Variants in MTX3 observed in about 807,000 individuals in gnomAD.
MTX3 encodes metaxin-3.
In MTX3, 27 loss-of-function variants were observed where a neutral mutation model predicts 42.5. The ratio of observed to expected loss-of-function variants is 0.64; its 90% CI spans 0.47 to 0.88. MTX3 has a LOEUF of 0.88. Ranked by LOEUF, MTX3 falls within the 40% of genes least tolerant of loss-of-function variation. The pLI, the probability that MTX3 is intolerant of heterozygous loss-of-function variation, is 0.00. For synonymous variants in MTX3, 144 were observed against 132.9 expected (o/e 1.08, Z -0.57); for missense variants, 378 against 367.0 (o/e 1.03, Z -0.25).
At position 79,983,169 on chromosome 5, in the gene MTX3, A is replaced by G. The variant is rs1429511954; in HGVS notation, c.*515T>C. On this transcript the variant is annotated 3_prime_UTR_variant, in exon 9 of 9. Coordinates refer to ENST00000512528, the MANE Select transcript of MTX3 (RefSeq NM_001363818.2). The stretch of plus-strand genomic sequence containing the variant: ...ACATTCCTCCTCACTTTTTAAAGTT[A>G]AATATGGTCTCTTCTACTGAAGCAA... 1 of 154,726 alleles carries G rather than the reference A, an allele frequency of 6.5e-6. No homozygotes were observed. Among genetic ancestry groups the G allele is most frequent in the Non-Finnish European group, 1.4e-5 (1 of 69,662 alleles). The allele number at this position is 154,726 out of a possible 1,614,324, so 9.6% of individuals were successfully genotyped here. A position where few individuals can be genotyped will look rare whatever the true frequency, so the allele number is the denominator to read the frequency against.
In MTX3 at chr5:79,983,802, A is replaced by C; in HGVS notation, c.829-8T>G. 6.3e-7 allele frequency: 1 copy of C among 1,593,240 alleles called. No individual in the cohort carries two copies. Among genetic ancestry groups the C allele is most frequent in the Non-Finnish European group, 8.6e-7 (1 of 1,161,694 alleles). ...GCGAAGATTGTCATCCATCTGTAGAAAGTACAAAAGATACATCTGACTAAT... is the reference window on the plus strand; with the variant it reads ...GCGAAGATTGTCATCCATCTGTAGACAGTACAAAAGATACATCTGACTAAT... On this transcript the variant is annotated splice_region_variant and splice_polypyrimidine_tract_variant and intron_variant, in intron 8 of 8. Coordinates refer to ENST00000512528, the MANE Select transcript of MTX3 (RefSeq NM_001363818.2).
intron 6 of MTX3, 85 bp from the exon 7 acceptor site, chr5:79,987,192 T>A: frequency 1.6e-6 from 2 of 1,254,210 alleles, no homozygotes; most frequent in Non-Finnish European, 1.1e-6. Flanking sequence ...GTAATCCCAG[T>A]ACTTTGGGAG....
At position 79,987,002 on chromosome 5, in the gene MTX3, G is replaced by A. The variant is rs1364470689; in HGVS notation, c.687C>T (p.Leu229=). ...LQEHLKQLSN[L]CRFCDDILSS... is the part of the protein sequence containing the mutation. The stretch of plus-strand genomic sequence containing the variant: ...TCAGGATGTCATCACAAAAGCGACA[G>A]AGGTTGGAGAGCTGTTTCAGATGTT... Residue 229 remains leucine, a synonymous_variant, in exon 7 of 9, where the codon CTC becomes CTT. Coordinates refer to ENST00000512528, the MANE Select transcript of MTX3 (RefSeq NM_001363818.2). 1.2e-6 allele frequency: 2 copies of A among 1,614,008 alleles called. No homozygotes were observed. The highest frequency in any genetic ancestry group is 1.7e-6 in the Non-Finnish European group (2 of 1,179,892).
At position 79,979,215 on chromosome 5, in the gene MTX3, C is replaced by T. The variant is rs1831320465; in HGVS notation, c.*4469G>A. The T allele has an allele frequency of 6.6e-6, 1 of 152,202 alleles. No individual in the cohort carries two copies. Among genetic ancestry groups the T allele is most frequent in the African/African-American group, 2.4e-5 (1 of 41,424 alleles). 9.4% of individuals were successfully genotyped at this position (152,202 alleles called of 1,614,324 possible). ...AAACCCTTAAGAACACAAACTAAAA[C>T]TAATTTATCCTTATATCTCTGCAAA... On this transcript the variant is annotated 3_prime_UTR_variant, in exon 9 of 9. Transcript: ENST00000512528.
chr5:79,988,088 A>G (rs1444271531), intron 6 of MTX3, 151 bp downstream of exon 6: 1 of 618,000 alleles, frequency 1.6e-6, no homozygotes, highest in African/African-American at 1.9e-5. Flanking sequence ...AAGTGCTGTG[A>G]TTACAGGTAT....
Position 79,983,655 on chromosome 5 carries a change from T to C in MTX3, c.*29A>G, listed in dbSNP as rs77597208. 1.2e-4 allele frequency: 185 copies of C among 1,504,604 alleles called. No homozygotes were observed. The African/African-American group carries it at 2.3e-3, about 19-fold the overall frequency. 93.2% of individuals were successfully genotyped at this position (1,504,604 alleles called of 1,614,324 possible). A position where few individuals can be genotyped will look rare whatever the true frequency, so the allele number is the denominator to read the frequency against. The stretch of plus-strand genomic sequence containing the variant: ...TGTAAGAGATTACTGCAACAATCGT[T>C]TGACTTTGGCCACAAACCATGACTA... On this transcript the variant is annotated 3_prime_UTR_variant, in exon 9 of 9. Transcript: ENST00000512528.
In MTX3 at chr5:79,988,247, A is replaced by C; in HGVS notation, c.573T>G (p.Phe191Leu). The change falls in exon 6 of 9, where the codon TTT becomes TTG. Residue 191 changes from phenylalanine to leucine, a missense_variant. Physicochemically the swap from Phe to Leu is conservative, Grantham distance 22. Coordinates refer to ENST00000512528, the MANE Select transcript of MTX3 (RefSeq NM_001363818.2). ...SNRLGTSQFF[F>L]GDTPSTLDAY... ...TTTAAGGGAATACTCACGTATCTCCAAAGAAAAACTGAGATGTTCCCAATC... is the reference window on the plus strand; with the variant it reads ...TTTAAGGGAATACTCACGTATCTCCCAAGAAAAACTGAGATGTTCCCAATC... 6.5e-7 allele frequency: 1 copy of C among 1,539,668 alleles called. No homozygotes were observed. Among genetic ancestry groups the C allele is most frequent in the Non-Finnish European group, 8.8e-7 (1 of 1,134,232 alleles).
In MTX3 at chr5:79,984,673, C is replaced by T. The variant is rs1261706215; in HGVS notation, c.829-879G>A. ...AGTTACAGGGGAAAAAATATGTAAC[C>T]TCTTTGTATTTTTCCTAGTAGAATC... On this transcript the variant is annotated intron_variant, in intron 8 of 8. Coordinates refer to ENST00000512528, the MANE Select transcript of MTX3 (RefSeq NM_001363818.2). Among the ~76,000 whole-genome samples, 3 of 150,848 alleles carry T rather than the reference C, an allele frequency of 2.0e-5. No individual in the cohort carries two copies. The East Asian group carries it at 5.8e-4, about 29-fold the overall frequency.
Position 79,982,585 on chromosome 5 carries a change from C to A in MTX3, c.*1099G>T. ...AATTACCACACAGCAAATCCCTTAA[C>A]AGTTCAGCAACCAATAAATAGAAAA... is the stretch of plus-strand genomic sequence containing the variant. On this transcript the variant is annotated 3_prime_UTR_variant, in exon 9 of 9. Transcript: ENST00000512528. The A allele has an allele frequency of 3.3e-6, 1 of 303,164 alleles. No individual in the cohort carries two copies. Among genetic ancestry groups the A allele is most frequent in the Non-Finnish European group, 6.6e-6 (1 of 151,460 alleles). The allele number at this position is 303,164 out of a possible 1,614,324, so 18.8% of individuals were successfully genotyped here.
chr5:79,986,875 A>G (rs1831502867), intron 7 of MTX3, 75 bp downstream of exon 7: 2 of 1,405,690 alleles, frequency 1.4e-6, no homozygotes, highest in East Asian at 2.3e-5. Flanking sequence ...TAAAATTAAA[A>G]TAAGTAGTGG....
rs1831395056 is a variant in MTX3, at chr5:79,982,463, CA to C, written c.*1220del. 2.2e-6 allele frequency: 1 copy of C among 455,196 alleles called. No individual in the cohort carries two copies. Among genetic ancestry groups the C allele is most frequent in the Non-Finnish European group, 4.4e-6 (1 of 226,388 alleles). 28.2% of individuals were successfully genotyped at this position (455,196 alleles called of 1,614,324 possible). The stretch of plus-strand genomic sequence containing the variant: ...CACAGTAATCTTTTAAGACACTAAT[CA>C]AAAACATGGTTCTACATTTTAAAAA... On this transcript the variant is annotated 3_prime_UTR_variant, in exon 9 of 9. Coordinates refer to ENST00000512528, the MANE Select transcript of MTX3 (RefSeq NM_001363818.2).
Position 79,990,195 on chromosome 5 carries a change from G to C in MTX3, c.193C>G (p.Gln65Glu). 1 of 1,610,048 alleles carries C rather than the reference G, an allele frequency of 6.2e-7. No homozygotes were observed. The change falls in exon 3 of 9, where the codon CAG becomes GAG. Residue 65 changes from glutamine to glutamate, a missense_variant. Gln to Glu is a conservative substitution (Grantham distance 29, BLOSUM62 2). Coordinates refer to ENST00000512528, the MANE Select transcript of MTX3 (RefSeq NM_001363818.2). Reference protein sequence around the residue: ...ILTTEDDMVSQPAKILNFLRK... With the variant: ...ILTTEDDMVSEPAKILNFLRK... ...AAAAAGTTTAGTATTTTTGCTGGCT[G>C]AGAAACCATGTCGTCTTCAGTTGTC...
At chr5:79,989,444 TG>T (rs986109757) in intron 3 of MTX3, among the ~76,000 whole-genome samples, 200 bp from the exon 4 acceptor site, 1 of 152,210 alleles carries the variant, frequency 6.6e-6, no homozygotes, top group Non-Finnish European at 1.5e-5. Context: ...ATACACAATA[TG>T]GTCAATAAAT....
In MTX3 at chr5:79,977,468, G is replaced by C. The variant is rs186508822; in HGVS notation, c.*6216C>G. On this transcript the variant is annotated 3_prime_UTR_variant, in exon 9 of 9. Coordinates refer to ENST00000512528, the MANE Select transcript of MTX3 (RefSeq NM_001363818.2). ...GAACAAAGATCCAACGGCCTTTCAC[G>C]TGGCTACATGTTCACCATTACACCA... The C allele has an allele frequency of 6.6e-6, 1 of 152,320 alleles. No individual in the cohort carries two copies. Among genetic ancestry groups the C allele is most frequent in the East Asian group, 1.9e-4 (1 of 5,192 alleles). The allele number at this position is 152,320 out of a possible 1,614,324, so 9.4% of individuals were successfully genotyped here. A position where few individuals can be genotyped will look rare whatever the true frequency, so the allele number is the denominator to read the frequency against.
At position 79,981,776 on chromosome 5, in the gene MTX3, T is replaced by G. The variant is rs1029144461; in HGVS notation, c.*1908A>C. ...TTTTTTTAATTTAAATTTTTAAAATTTTTAATTCTTTAAAATTTAAAATTT... is the reference window on the plus strand; with the variant it reads ...TTTTTTTAATTTAAATTTTTAAAATGTTTAATTCTTTAAAATTTAAAATTT... On this transcript the variant is annotated 3_prime_UTR_variant, in exon 9 of 9. Transcript: ENST00000512528. 6.6e-6 allele frequency: 1 copy of G among 151,946 alleles called. No individual in the cohort carries two copies. The highest frequency in any genetic ancestry group is 2.4e-5 in the African/African-American group (1 of 41,456). 9.4% of individuals were successfully genotyped at this position (151,946 alleles called of 1,614,324 possible).
intron 6 of MTX3, among the ~76,000 whole-genome samples, chr5:79,987,440 CAAA>C (rs397884673): frequency 9.4e-5 from 8 of 85,116 alleles, no homozygotes; most frequent in East Asian, 4.1e-4. Context: ...GACTCCATCT[CAAA>C]AAAAAAAAAA....
chr5:79,988,256 C>A lies in MTX3; in HGVS notation c.564G>T (p.Gln188His), dbSNP rs543519616. 6.5e-7 allele frequency: 1 copy of A among 1,547,166 alleles called. No homozygotes were observed. Among genetic ancestry groups the A allele is most frequent in the Non-Finnish European group, 8.8e-7 (1 of 1,140,372 alleles). The change falls in exon 6 of 9, where the codon CAG (glutamine) becomes CAT (histidine). Residue 188 changes from glutamine to histidine, a missense_variant. Physicochemically the swap from Gln to His is conservative, Grantham distance 24 (BLOSUM62 0). Coordinates refer to ENST00000512528, the MANE Select transcript of MTX3 (RefSeq NM_001363818.2). ...ATACTCACGTATCTCCAAAGAAAAA[C>A]TGAGATGTTCCCAATCTGTTTGATA... ...NLLSNRLGTS[Q>H]FFFGDTPSTL...
At position 79,986,497 on chromosome 5, in the gene MTX3, T is replaced by C. The variant is rs1191045362; in HGVS notation, c.739+453A>G. 5.9e-5 allele frequency among the ~76,000 whole-genome samples: 9 copies of C among 152,218 alleles called. No individual in the cohort carries two copies. The South Asian group carries it at 1.9e-3, about 32-fold the overall frequency. ...CATTCTGATGCAATCAGTTTTCAAG[T>C]AGTGGAATCATGGCAGTGTACCTCA... is the stretch of plus-strand genomic sequence containing the variant. On this transcript the variant is annotated intron_variant, in intron 7 of 8. Coordinates refer to ENST00000512528, the MANE Select transcript of MTX3 (RefSeq NM_001363818.2).
chr5:79,989,182 A>C lies in MTX3; in HGVS notation c.291T>G (p.Ala97=). The C allele has an allele frequency of 1.2e-6, 2 of 1,608,848 alleles. No homozygotes were observed. The highest frequency in any genetic ancestry group is 1.3e-5 in the African/African-American group (1 of 74,900). ...KQGADTLAYI[A]LLEEKLLPAV... ...CAGGGAGAAGCTTCTCTTCGAGGAG[A>C]GCAATATAAGCCAATGTATCTGCCC... The change falls in exon 4 of 9, where the codon GCT becomes GCG. Residue 97 remains alanine, a synonymous_variant. Transcript: ENST00000512528.
Sources: allele counts gnomAD v4.1 joint callset (sites outside exome capture counted in the v4.1 genomes callset), GRCh38; gene constraint gnomAD v4.1.1; transcripts MANE v1.5; gene names NCBI Gene and HGNC (gene_info 2026-07-23, HGNC 2026-07-21).